CNTNAP3B: variants seen among roughly 807,000 people sequenced by gnomAD.
CNTNAP3B encodes contactin-associated protein-like 3B.
In CNTNAP3B, 25 loss-of-function variants were observed where a neutral mutation model predicts 108.9. The observed-to-expected ratio is 0.23, with a 90% CI of 0.17 to 0.32. The LOEUF (loss-of-function observed/expected upper bound fraction) is 0.32, where lower values mean the gene tolerates loss of function less well. Ranked by LOEUF, CNTNAP3B falls within the 10% of genes least tolerant of loss-of-function variation. The pLI is 1.00. For missense variants in CNTNAP3B, 252 were observed against 1,210.4 expected (o/e 0.21, Z 11.75); for synonymous variants, 103 against 473.4 (o/e 0.22, Z 10.16).
intron 14 of CNTNAP3B, among the ~76,000 whole-genome samples, chr9:41,931,732 T>C (rs1823984171): frequency 6.7e-6 from 1 of 149,638 alleles, no homozygotes; most frequent in Admixed American, 6.6e-5. Flanking sequence ...CTGAATGAGG[T>C]AGGTCTAGGA....
intron 1 of CNTNAP3B, among the ~76,000 whole-genome samples, chr9:42,120,278 A>G (rs1467099112): frequency 6.9e-6 from 1 of 144,414 alleles, no homozygotes; most frequent in Non-Finnish European, 1.5e-5. Context: ...ATGAGATACC[A>G]TCTCACCCCA....
At chr9:42,095,876 C>T (rs1420412469) in intron 2 of CNTNAP3B, among the ~76,000 whole-genome samples, 1 of 137,638 alleles carries the variant, frequency 7.3e-6, no homozygotes, top group Admixed American at 7.2e-5. Context: ...TGTGTTCAAG[C>T]CCCAAGTAGA....
chr9:41,934,150 T>TATATATACACACACACACAC (rs1824077398), intron 14 of CNTNAP3B, among the ~76,000 whole-genome samples: 3 of 135,298 alleles, frequency 2.2e-5, no homozygotes, highest in Non-Finnish European at 3.2e-5. Context: ...TACACACACA[T>TATATATACACACACACACAC]ATATATACAC....
At chr9:41,938,669 T>A (rs1195655474) in intron 13 of CNTNAP3B, among the ~76,000 whole-genome samples, 1 of 152,292 alleles carries the variant, frequency 6.6e-6, no homozygotes, top group Non-Finnish European at 1.5e-5. Flanking sequence ...TGATACATAC[T>A]TTCTATAGAA....
At chr9:41,967,320 G>A (rs541199877) in intron 10 of CNTNAP3B, among the ~76,000 whole-genome samples, 4 of 152,362 alleles carry the variant, frequency 2.6e-5, no homozygotes, top group African/African-American at 9.6e-5. Context: ...AGTCTCACGA[G>A]ATCTGATGGT....
chr9:41,942,106 G>A (rs1343579571), intron 13 of CNTNAP3B, among the ~76,000 whole-genome samples: 1 of 152,300 alleles, frequency 6.6e-6, no homozygotes, highest in Non-Finnish European at 1.5e-5. Flanking sequence ...GGAAGGGGAA[G>A]GAAGCTGAGA....
chr9:41,913,540 C>T (rs1185089180), intron 18 of CNTNAP3B, among the ~76,000 whole-genome samples: 2 of 143,368 alleles, frequency 1.4e-5, no homozygotes, highest in Non-Finnish European at 3.1e-5. Context: ...TATAATTTGC[C>T]ACTTAACCAT....
chr9:41,979,031 G>A (rs923720153), intron 9 of CNTNAP3B, among the ~76,000 whole-genome samples: 1 of 139,014 alleles, frequency 7.2e-6, no homozygotes, highest in Admixed American at 7.1e-5. Flanking sequence ...ATCCCCAGGT[G>A]GGATGTGGGG....
chr9:42,097,008 TC>T (rs1160413891), intron 2 of CNTNAP3B, among the ~76,000 whole-genome samples: 1 of 135,552 alleles, frequency 7.4e-6, no homozygotes, highest in Non-Finnish European at 1.6e-5. Context: ...CGCCTCAGCC[TC>T]CCAAAGTGCT....
In CNTNAP3B at chr9:42,126,727, G is replaced by A. The variant is rs1287496976; in HGVS notation, c.85+2283C>T. Among the ~76,000 whole-genome samples the A allele has an allele frequency of 5.2e-5, 7 of 135,734 alleles. 2 individuals carry two copies. The highest frequency in any genetic ancestry group is 4.8e-4 in the South Asian group (2 of 4,198). The allele number at this position is 135,734 out of a possible 152,430, so 89.0% of individuals were successfully genotyped here. ...TGGAATTACAGATGCCTGCCACCACGCCCGGCTAATTTTTGTATTTTTAGT... is the reference window on the plus strand; with the variant it reads ...TGGAATTACAGATGCCTGCCACCACACCCGGCTAATTTTTGTATTTTTAGT... On this transcript the variant is annotated intron_variant, in intron 1 of 23. Transcript: ENST00000377561.
At chr9:41,964,750 C>T in intron 10 of CNTNAP3B, 106 bp from the exon 11 acceptor site, 1 of 1,449,668 alleles carries the variant, frequency 6.9e-7, no homozygotes, top group Non-Finnish European at 9.2e-7. Context: ...GCAAGATAAC[C>T]CCACATGACG....
At chr9:42,109,155 G>T (rs1221468124) in intron 1 of CNTNAP3B, among the ~76,000 whole-genome samples, 1 of 138,708 alleles carries the variant, frequency 7.2e-6, no homozygotes, top group Non-Finnish European at 1.5e-5. Flanking sequence ...AGCATTATGG[G>T]GCATAAAGAG....
intron 3 of CNTNAP3B, among the ~76,000 whole-genome samples, chr9:42,063,730 C>A (rs866129266): frequency 2.2e-5 from 3 of 137,546 alleles, no homozygotes; most frequent in Non-Finnish European, 4.6e-5. Flanking sequence ...CTCTCTATAT[C>A]TCTTTCTTTA....
intron 3 of CNTNAP3B, among the ~76,000 whole-genome samples, chr9:42,061,317 C>CTTTTTTTT (rs57755649): frequency 2.1e-5 from 2 of 93,068 alleles, no homozygotes; most frequent in African/African-American, 4.9e-5. Context: ...TTTTCTTTTT[C>CTTTTTTTT]TTTTTTTTTT....
At chr9:42,098,981 C>T (rs1165657154) in intron 2 of CNTNAP3B, among the ~76,000 whole-genome samples, 1 of 137,050 alleles carries the variant, frequency 7.3e-6, no homozygotes. Context: ...CACCCAGAGT[C>T]GTGGCTAGGT....
chr9:42,053,957 C>T, intron 3 of CNTNAP3B, among the ~76,000 whole-genome samples: 1 of 151,758 alleles, frequency 6.6e-6, no homozygotes, highest in East Asian at 1.9e-4. Flanking sequence ...CCAAATGGAT[C>T]CCCTGTGAGA....
rs1229635188 is a variant in CNTNAP3B at position 41,933,100 on chromosome 9, TA to T, written c.2238-3657del. Among the ~76,000 whole-genome samples the T allele has an allele frequency of 2.6e-5, 4 of 152,376 alleles. No individual in the cohort carries two copies. The East Asian group carries it at 7.7e-4, about 29-fold the overall frequency. On this transcript the variant is annotated intron_variant, in intron 14 of 23. Transcript: ENST00000377561. The stretch of plus-strand genomic sequence containing the variant: ...ACCAGGTTGCTGCAATCCACACAAG[TA>T]AAAACACTTGGCATTTTTTGGAATT...
intron 11 of CNTNAP3B, among the ~76,000 whole-genome samples, chr9:41,961,793 G>A (rs1312345096): frequency 6.6e-6 from 1 of 152,296 alleles, no homozygotes; most frequent in Non-Finnish European, 1.5e-5. Flanking sequence ...CCTATATAAT[G>A]TAAATTTACT....
chr9:41,962,180 T>G (rs1035923460), intron 11 of CNTNAP3B, among the ~76,000 whole-genome samples: 6 of 152,184 alleles, frequency 3.9e-5, no homozygotes, highest in East Asian at 1.9e-4. Flanking sequence ...TATATACAAT[T>G]AATAATTATA....
Sources: allele counts gnomAD v4.1 joint callset (sites outside exome capture counted in the v4.1 genomes callset), GRCh38; gene constraint gnomAD v4.1.1; transcripts MANE v1.5; gene names NCBI Gene and HGNC (gene_info 2026-07-23, HGNC 2026-07-21).